AP5M1: variants seen among roughly 807,000 people sequenced by gnomAD.
AP5M1 encodes the protein AP-5 complex subunit mu-1.
AP5M1 carries 44 observed loss-of-function variants against 52.3 expected under a neutral mutation model. The observed-to-expected ratio is 0.84, with a 90% CI of 0.66 to 1.08. AP5M1 has a LOEUF of 1.08. Among genes scored for constraint, AP5M1 ranks in the 50% least tolerant of loss-of-function variants. The pLI is 0.00. For synonymous variants in AP5M1, 213 were observed against 199.0 expected, an observed-to-expected ratio of 1.07 and a Z score of -0.59; for missense variants, 526 against 568.4, an observed-to-expected ratio of 0.93 and a Z score of 0.76.
chr14:57,276,863 C>T (rs901324633), intron 2 of AP5M1, among the ~76,000 whole-genome samples: 9 of 152,054 alleles, frequency 5.9e-5, no homozygotes. Context: ...CTAAATGTTT[C>T]TTTAAGGTTG....
intron 3 of AP5M1, among the ~76,000 whole-genome samples, chr14:57,280,850 C>CAAA (rs201466728): frequency 8.4e-6 from 1 of 119,598 alleles, no homozygotes; most frequent in African/African-American, 3.1e-5. Flanking sequence ...GACTCCATCT[C>CAAA]AAAAAAAAAA....
chr14:57,281,994 C>T (rs929321860), intron 3 of AP5M1, 95 bp from the exon 4 acceptor site: 2 of 1,065,898 alleles, frequency 1.9e-6, no homozygotes, highest in Non-Finnish European at 2.6e-6. Context: ...TTGGAATAAT[C>T]TCCAAGTCAT....
At chr14:57,285,822 G>A (rs1654531577) in intron 6 of AP5M1, among the ~76,000 whole-genome samples, 1 of 152,120 alleles carries the variant, frequency 6.6e-6, no homozygotes, top group African/African-American at 2.4e-5. Flanking sequence ...AGTAGCACGG[G>A]GGAGACAGCA....
chr14:57,275,484 A>ACAGG (rs1027203358), intron 2 of AP5M1: 1 of 152,348 alleles, frequency 6.6e-6, no homozygotes, highest in Non-Finnish European at 1.5e-5. Flanking sequence ...GAGGAGAGAG[A>ACAGG]CAGGCAGGCA....
In AP5M1 at chr14:57,274,493, T is replaced by C. The variant is rs2077179355; in HGVS notation, c.324T>C (p.Cys108=). Residue 108 remains cysteine, a synonymous_variant, in exon 2 of 8, where the codon TGT becomes TGC. Coordinates refer to ENST00000261558, the MANE Select transcript of AP5M1 (RefSeq NM_018229.4). The stretch of plus-strand genomic sequence containing the variant: ...TGAAGAATGACATGATATATGCTTG[T>C]GTTCCACTAGTTGAACAAACTCTGT... ...AFLKNDMIYA[C]VPLVEQTLSP... 2 of 1,614,066 alleles carry C rather than the reference T, an allele frequency of 1.2e-6. No homozygotes were observed. The highest frequency in any genetic ancestry group is 2.2e-5 in the East Asian group (1 of 44,894).
intron 2 of AP5M1, among the ~76,000 whole-genome samples, chr14:57,276,948 G>T (rs887275161): frequency 6.6e-6 from 1 of 152,114 alleles, no homozygotes; most frequent in African/African-American, 2.4e-5. Context: ...GAATTGTATT[G>T]TGAAGCCCAT....
chr14:57,286,557 T>TA (rs1885314012), intron 7 of AP5M1: 1 of 351,106 alleles, frequency 2.8e-6, no homozygotes, highest in Admixed American at 4.6e-5. Context: ...AACTTCAGTG[T>TA]AAAATTGGAT....
intron 7 of AP5M1, among the ~76,000 whole-genome samples, chr14:57,286,996 TACACACACACAC>T (rs58786398): frequency 5.0e-5 from 7 of 140,518 alleles, no homozygotes; most frequent in East Asian, 2.1e-4. Flanking sequence ...CACACACACA[TACACACACACAC>T]ACACACACAC....
intron 6 of AP5M1, among the ~76,000 whole-genome samples, chr14:57,283,719 A>C (rs1396242252): frequency 3.3e-5 from 5 of 152,190 alleles, no homozygotes; most frequent in Non-Finnish European, 7.3e-5. Flanking sequence ...GGCATGGTGG[A>C]TCCCACCTAT....
chr14:57,282,015 TCTTTTCTC>T, intron 3 of AP5M1, 66 bp from the exon 4 acceptor site: 7 of 1,305,174 alleles, frequency 5.4e-6, no homozygotes, highest in Non-Finnish European at 5.2e-6. Flanking sequence ...TAAAAGTAAC[TCTTTTCTC>T]AGTTACTTTT....
chr14:57,280,712 G>A (rs1317964728), intron 3 of AP5M1, among the ~76,000 whole-genome samples: 7 of 152,024 alleles, frequency 4.6e-5, no homozygotes, highest in Non-Finnish European at 7.4e-5. Flanking sequence ...TTAGCCAGGC[G>A]TGGTGTCATG....
At chr14:57,284,728 G>A (rs553775578) in intron 6 of AP5M1, among the ~76,000 whole-genome samples, 2 of 152,242 alleles carry the variant, frequency 1.3e-5, no homozygotes, top group South Asian at 4.2e-4. Flanking sequence ...CTTTTTAAGA[G>A]GGTAGAGACG....
rs1298249640 is a variant in AP5M1, at chr14:57,290,910, C to T, written c.*2026C>T. 10 of 151,872 alleles carry T rather than the reference C, an allele frequency of 6.6e-5. No individual in the cohort carries two copies. Among genetic ancestry groups the T allele is most frequent in the East Asian group, 5.8e-4 (3 of 5,182 alleles). 9.4% of individuals were successfully genotyped at this position (151,872 alleles called of 1,614,324 possible). Reference sequence around the variant, plus strand: ...TCTGGGAACTCCTTAGTGTAATTAGCGACCTTTGAACTCCACAACTAATCC... The same window carrying T: ...TCTGGGAACTCCTTAGTGTAATTAGTGACCTTTGAACTCCACAACTAATCC... On this transcript the variant is annotated 3_prime_UTR_variant, in exon 8 of 8. Coordinates refer to ENST00000261558, the MANE Select transcript of AP5M1 (RefSeq NM_018229.4).
At chr14:57,285,716 A>C (rs1885289991) in intron 6 of AP5M1, among the ~76,000 whole-genome samples, 2 of 152,190 alleles carry the variant, frequency 1.3e-5, no homozygotes, top group Admixed American at 1.3e-4. Flanking sequence ...TTTTATTAGA[A>C]GGTGTATACT....
At chr14:57,288,516 A>AT (rs1885361289) in intron 7 of AP5M1, among the ~76,000 whole-genome samples, 1 of 152,106 alleles carries the variant, frequency 6.6e-6, no homozygotes, top group African/African-American at 2.4e-5. Flanking sequence ...GTAATGGTCC[A>AT]TACGAAAAAG....
intron 2 of AP5M1, 65 bp downstream of exon 2, chr14:57,274,954 C>T (rs762249366): frequency 6.4e-7 from 1 of 1,552,256 alleles, no homozygotes; most frequent in East Asian, 2.2e-5. Flanking sequence ...GTTAAATTTG[C>T]TAGTTGTATT....
At chr14:57,284,458 T>C (rs1018672416) in intron 6 of AP5M1, among the ~76,000 whole-genome samples, 1 of 151,906 alleles carries the variant, frequency 6.6e-6, no homozygotes. Flanking sequence ...GGAAGGTGAG[T>C]AAAAAAATTA....
At chr14:57,275,440 G>A (rs1227002344) in intron 2 of AP5M1, 2 of 146,802 alleles carry the variant, frequency 1.4e-5, no homozygotes, top group South Asian at 2.1e-4. Context: ...AGAGAGAGAA[G>A]AGAGAAGAGA....
chr14:57,285,090 A>G (rs547827145), intron 6 of AP5M1, among the ~76,000 whole-genome samples: 2 of 152,300 alleles, frequency 1.3e-5, no homozygotes, highest in Non-Finnish European at 2.9e-5. Flanking sequence ...AGGAGTGATT[A>G]GAAAGGTAGC....
Sources: allele counts gnomAD v4.1 joint callset (sites outside exome capture counted in the v4.1 genomes callset), GRCh38; gene constraint gnomAD v4.1.1; transcripts MANE v1.5; gene names NCBI Gene and HGNC (gene_info 2026-07-23, HGNC 2026-07-21).